Variants in HEPH observed in about 807,000 individuals in gnomAD.
The protein encoded by HEPH is hephaestin.
Under a neutral mutation model 80.8 loss-of-function variants are expected in HEPH, and 69 were observed. The ratio of observed to expected loss-of-function variants is 0.85; its 90% CI spans 0.70 to 1.04. The LOEUF is 1.04. HEPH is among the 50% of genes least tolerant of loss of function. HEPH has a pLI of 0.00. For missense variants in HEPH, 1,115 were observed against 891.3 expected (o/e 1.25, Z -3.20); for synonymous variants, 431 against 322.8 (o/e 1.34, Z -3.60).
At chrX:66,167,223 C>T (rs770713349) in intron 1 of HEPH, among the ~76,000 whole-genome samples, 5 of 111,923 alleles carry the variant, frequency 4.5e-5, no homozygotes, top group African/African-American at 1.6e-4. Flanking sequence ...TTCCTTATCT[C>T]TCAAGATCTT....
chrX:66,191,716 C>A (rs1347078449), intron 6 of HEPH, among the ~76,000 whole-genome samples: 2 of 111,839 alleles, frequency 1.8e-5, no homozygotes, highest in Non-Finnish European at 3.8e-5. Context: ...CCTACCAGCC[C>A]CATGAGGTGG....
chrX:66,218,831 T>C (rs1291533888), intron 15 of HEPH, among the ~76,000 whole-genome samples: 2 of 97,629 alleles, frequency 2.0e-5, no homozygotes, highest in African/African-American at 8.6e-5. Flanking sequence ...TTCTATACAA[T>C]GTCTGTAATC....
At chrX:66,186,265 A>G (rs2087427430) in intron 4 of HEPH, among the ~76,000 whole-genome samples, 2 of 79,137 alleles carry the variant, frequency 2.5e-5, no homozygotes, top group South Asian at 9.3e-4. Context: ...TGTTTACCTA[A>G]GCAAGCCTGG....
chrX:66,187,144 T>TG (rs1236885777), intron 4 of HEPH, among the ~76,000 whole-genome samples: 4 of 110,736 alleles, frequency 3.6e-5, no homozygotes, highest in Non-Finnish European at 7.5e-5. Context: ...TTCTTATTTT[T>TG]TTTGTTGTTG....
chrX:66,248,111 TTCTC>T (rs967017649), intron 15 of HEPH, among the ~76,000 whole-genome samples: 3 of 110,422 alleles, frequency 2.7e-5, no homozygotes, highest in African/African-American at 3.3e-5. Context: ...TGGTTATTAT[TTCTC>T]TCTCTCTCTC....
rs200187054 is a variant in HEPH at position 66,260,153 on chromosome X, G to A, written c.3090G>A (p.Glu1030=). Reference sequence around the variant, plus strand: ...TGGATCTGTTCCCAGGGACTTTTGAGGTTGTGGAGATGGTGGCCAGCAACC... The same window carrying A: ...TGGATCTGTTCCCAGGGACTTTTGAAGTTGTGGAGATGGTGGCCAGCAACC... The part of the protein sequence containing the change: ...DVVDLFPGTF[E]VVEMVASNPG... Residue 1030 remains glutamate, a synonymous_variant, in exon 19 of 21, where the codon GAG becomes GAA. Coordinates refer to ENST00000343002, the MANE Select transcript of HEPH (RefSeq NM_001367233.3). The A allele has an allele frequency of 1.8e-4, 211 of 1,205,470 alleles. No individual in the cohort carries two copies. The highest frequency in any genetic ancestry group is 1.6e-4 in the Non-Finnish European group (145 of 892,094).
At chrX:66,171,884 G>T (rs1020913585) in intron 2 of HEPH, among the ~76,000 whole-genome samples, 1 of 111,540 alleles carries the variant, frequency 9.0e-6, no homozygotes, top group Non-Finnish European at 1.9e-5. Context: ...GGCAAATTGT[G>T]TTCAGAGAAG....
Position 66,192,314 on chromosome X carries a change from A to T in HEPH, c.1232+16A>T, listed in dbSNP as rs200067183. The T allele has an allele frequency of 6.8e-6, 8 of 1,181,102 alleles. No homozygotes were observed. In the East Asian group the frequency reaches 1.2e-4, roughly 18 times the overall value. ...AGCCAGGCAGGTAAGAGGCAGTGGG[A>T]TCCCTCTCTTTAATTCTTTAATTGG... On this transcript the variant is annotated intron_variant, in intron 7 of 20. Coordinates refer to ENST00000343002, the MANE Select transcript of HEPH (RefSeq NM_001367233.3).
chrX:66,244,160 G>A (rs1454124344), intron 15 of HEPH, among the ~76,000 whole-genome samples: 5 of 111,461 alleles, frequency 4.5e-5, no homozygotes, highest in African/African-American at 1.6e-4. Flanking sequence ...ACTAGGAATA[G>A]TCATCTTGTA....
intron 5 of HEPH, 112 bp downstream of exon 5, chrX:66,188,653 G>C: frequency 1.7e-6 from 1 of 586,187 alleles, no homozygotes; most frequent in Non-Finnish European, 2.7e-6. Flanking sequence ...TAGTCATCAC[G>C]AGGGCAAGGA....
Position 66,197,684 on chromosome X carries a change from C to G in HEPH, c.1503C>G (p.Gly501=). The G allele has an allele frequency of 1.7e-6, 2 of 1,206,665 alleles. No homozygotes were observed. The highest frequency in any genetic ancestry group is 2.2e-6 in the Non-Finnish European group (2 of 890,869). ...ATGAGTCCCATATTTTCACTACAGG[C>G]TCATCTTACCCTGGCTTGGTTGCCA... ...KDYEGTVYND[G]SSYPGLVAKP... Residue 501 remains glycine (G), a splice_region_variant and synonymous_variant, in exon 10 of 21, where the codon GGC becomes GGG. Coordinates refer to ENST00000343002, the MANE Select transcript of HEPH (RefSeq NM_001367233.3).
At chrX:66,189,512 T>C (rs918691425) in intron 5 of HEPH, among the ~76,000 whole-genome samples, 172 bp from the exon 6 acceptor site, 1 of 111,770 alleles carries the variant, frequency 8.9e-6, no homozygotes, top group Non-Finnish European at 1.9e-5. Context: ...TAATGATATC[T>C]GCCTATTTCT....
intron 15 of HEPH, among the ~76,000 whole-genome samples, chrX:66,211,955 G>T (rs1444467231): frequency 9.0e-6 from 1 of 111,071 alleles, no homozygotes; most frequent in African/African-American, 3.3e-5. Context: ...TCCACCAATA[G>T]TGTGTAAGAG....
In HEPH at chrX:66,238,185, C is replaced by T. The variant is rs1198056771; in HGVS notation, c.2564-16850C>T. Among the ~76,000 whole-genome samples, 3 of 111,042 alleles carry T rather than the reference C, an allele frequency of 2.7e-5. No individual in the cohort carries two copies. In the East Asian group the frequency reaches 8.5e-4, roughly 31 times the overall value. On this transcript the variant is annotated intron_variant, in intron 15 of 20. Coordinates refer to ENST00000343002, the MANE Select transcript of HEPH (RefSeq NM_001367233.3). The stretch of plus-strand genomic sequence containing the variant: ...ATATTAGCTGGTTATTATGCAGACT[C>T]GTTAGTGTGGTTGCTTTATGTTGTC...
At position 66,197,878 on chromosome X, in the gene HEPH, G is replaced by A. The variant is rs748303464; in HGVS notation, c.1697G>A (p.Gly566Asp). Residue 566 changes from glycine (G) to aspartate (D), a missense_variant, in exon 10 of 21, where the codon GGT (glycine) becomes GAT (aspartate). Gly to Asp is a moderately conservative substitution (Grantham distance 94). This residue lies in a region of HEPH where 716 missense variants were observed against 523.5 expected (regional missense o/e 1.37). Transcript: ENST00000343002. ...PLLVCRAGALGADGKQKGVDK... is the reference protein window; with the variant it reads ...PLLVCRAGALDADGKQKGVDK... ...CTGGTGTGCAGGGCTGGTGCCTTGG[G>A]TGCAGATGGCAAGCAGGTATTGTCA... 1.7e-6 allele frequency: 2 copies of A among 1,198,206 alleles called. No individual in the cohort carries two copies. Among genetic ancestry groups the A allele is most frequent in the Non-Finnish European group, 2.3e-6 (2 of 888,887 alleles).
At chrX:66,170,524 C>T in intron 1 of HEPH, 34 bp from the exon 2 acceptor site, 1 of 1,172,588 alleles carries the variant, frequency 8.5e-7, no homozygotes, top group Non-Finnish European at 1.2e-6. Flanking sequence ...TCTCTTTCTT[C>T]TACACCAGCA....
intron 4 of HEPH, among the ~76,000 whole-genome samples, chrX:66,187,025 C>G (rs1236070902): frequency 9.0e-6 from 1 of 111,167 alleles, no homozygotes; most frequent in African/African-American, 3.3e-5. Flanking sequence ...ATTGATGAGA[C>G]TTTCCAGAGG....
At chrX:66,262,681 G>A (rs951649445) in intron 19 of HEPH, among the ~76,000 whole-genome samples, 2 of 111,528 alleles carry the variant, frequency 1.8e-5, no homozygotes, top group African/African-American at 6.5e-5. Context: ...AACACTCTTG[G>A]TAGATTAGTA....
intron 6 of HEPH, among the ~76,000 whole-genome samples, chrX:66,191,890 T>A (rs1005940489): frequency 4.5e-5 from 5 of 111,410 alleles, no homozygotes; most frequent in African/African-American, 1.6e-4. Context: ...GAGGCAGGAA[T>A]GAGTATCTAG....
Sources: gnomAD v4.1 joint callset for allele counts (sites outside exome capture counted in the v4.1 genomes callset) on GRCh38, gnomAD v4.1.1 for gene constraint, gnomAD v4.1.1 regional missense constraint, MANE v1.5 for transcripts, NCBI Gene and HGNC (gene_info 2026-07-23, HGNC 2026-07-21) for gene names.